The following EFHC2 variants were observed in gnomAD, a reference collection of about 807,000 sequenced individuals.
The protein encoded by EFHC2 is EF-hand domain-containing family member C2.
Under a neutral mutation model 52.7 loss-of-function variants are expected in EFHC2, and 18 were observed. The observed-to-expected ratio is 0.34, with a 90% CI of 0.24 to 0.51. The LOEUF is 0.51. Ranked by LOEUF, EFHC2 falls within the 20% of genes least tolerant of loss-of-function variation. The pLI, the probability that EFHC2 is intolerant of heterozygous loss-of-function variation, is 0.97. For synonymous variants in EFHC2, 203 were observed against 204.1 expected, an observed-to-expected ratio of 0.99 and a Z score of 0.04; for missense variants, 513 against 562.5, an observed-to-expected ratio of 0.91 and a Z score of 0.89.
At chrX:44,227,215 T>C (rs1360052142) in intron 11 of EFHC2, among the ~76,000 whole-genome samples, 1 of 110,729 alleles carries the variant, frequency 9.0e-6, no homozygotes, top group South Asian at 3.9e-4. Context: ...CACATACGCA[T>C]ACATAATGAA....
chrX:44,187,135 G>GTATA lies in EFHC2; in HGVS notation c.1752-8575_1752-8572dup, dbSNP rs746801274. On this transcript the variant is annotated intron_variant, in intron 11 of 14. Coordinates refer to ENST00000420999, the MANE Select transcript of EFHC2 (RefSeq NM_025184.4). The stretch of plus-strand genomic sequence containing the variant: ...CCATGTCTCAAAGGAAAACAAAATG[G>GTATA]TATATATATATATATATGGGCTTTA... Among the ~76,000 whole-genome samples the GTATA allele has an allele frequency of 7.1e-4, 44 of 61,747 alleles. 4 individuals carry two copies. Among genetic ancestry groups the GTATA allele is most frequent in the African/African-American group, 3.1e-3 (38 of 12,159 alleles). 53.6% of individuals were successfully genotyped at this position (61,747 alleles called of 115,157 possible).
chrX:44,163,018 A>C (rs1010545165), intron 14 of EFHC2, among the ~76,000 whole-genome samples: 3 of 112,141 alleles, frequency 2.7e-5, no homozygotes, highest in Admixed American at 1.9e-4. Context: ...AACTGACCCA[A>C]AGTCATTCAG....
chrX:44,158,114 T>C (rs1172118604), intron 14 of EFHC2, among the ~76,000 whole-genome samples: 1 of 111,436 alleles, frequency 9.0e-6, no homozygotes, highest in Non-Finnish European at 1.9e-5. Flanking sequence ...TCTCACCCCA[T>C]GATGGTTAGT....
intron 2 of EFHC2, among the ~76,000 whole-genome samples, chrX:44,300,994 C>T (rs1265230216): frequency 9.2e-6 from 1 of 108,281 alleles, no homozygotes; most frequent in Non-Finnish European, 1.9e-5. Context: ...CCTGTAGTCC[C>T]AGCTACTTGG....
At chrX:44,150,764 A>C (rs970497786) in intron 14 of EFHC2, among the ~76,000 whole-genome samples, 1 of 111,622 alleles carries the variant, frequency 9.0e-6, no homozygotes, top group Non-Finnish European at 1.9e-5. Context: ...TGAAATGGTG[A>C]CAAAAGAAAG....
At chrX:44,159,059 C>G (rs528143410) in intron 14 of EFHC2, among the ~76,000 whole-genome samples, 2 of 112,683 alleles carry the variant, frequency 1.8e-5, no homozygotes, top group Admixed American at 9.4e-5. Flanking sequence ...TGGCCCAACT[C>G]AGGACAACGC....
At chrX:44,298,204 G>A (rs1202449117) in intron 2 of EFHC2, among the ~76,000 whole-genome samples, 1 of 111,330 alleles carries the variant, frequency 9.0e-6, no homozygotes, top group African/African-American at 3.3e-5. Flanking sequence ...TAAAGTAAAG[G>A]GATATCAAAC....
At chrX:44,280,596 A>G (rs961181438) in intron 2 of EFHC2, among the ~76,000 whole-genome samples, 2 of 112,268 alleles carry the variant, frequency 1.8e-5, no homozygotes, top group Non-Finnish European at 3.8e-5. Context: ...CATTATGGGT[A>G]GATAAAATAA....
intron 11 of EFHC2, among the ~76,000 whole-genome samples, chrX:44,202,959 A>G (rs1305337794): frequency 1.8e-5 from 2 of 110,070 alleles, no homozygotes; most frequent in East Asian, 5.7e-4. Flanking sequence ...GTCATCTCTC[A>G]CCCCTCTCCC....
At chrX:44,333,871 T>C (rs2038102553) in intron 1 of EFHC2, among the ~76,000 whole-genome samples, 1 of 111,848 alleles carries the variant, frequency 8.9e-6, no homozygotes. Flanking sequence ...CTCCCTCTCC[T>C]TCCTGCTTGT....
chrX:44,210,040 G>T lies in EFHC2; in HGVS notation c.1751+19609C>A, dbSNP rs755513612. ...TATATATTATAATGTAATAATAATA[G>T]AAATAAACTGTGCAATGAATGTAAT... is the stretch of plus-strand genomic sequence containing the variant. On this transcript the variant is annotated intron_variant, in intron 11 of 14. Coordinates refer to ENST00000420999, the MANE Select transcript of EFHC2 (RefSeq NM_025184.4). Among the ~76,000 whole-genome samples the T allele has an allele frequency of 4.5e-5, 5 of 110,108 alleles. No homozygotes were observed. In the South Asian group the frequency reaches 1.2e-3, roughly 26 times the overall value.
chrX:44,310,356 G>T, intron 2 of EFHC2: 1 of 888,032 alleles, frequency 1.1e-6, no homozygotes, highest in Non-Finnish European at 1.6e-6. Context: ...GCCAGAACCC[G>T]GGTCCCGCTC....
At chrX:44,172,653 C>A (rs2036755062) in intron 13 of EFHC2, among the ~76,000 whole-genome samples, 1 of 112,259 alleles carries the variant, frequency 8.9e-6, no homozygotes, top group South Asian at 3.7e-4. Flanking sequence ...AGTTCTACTT[C>A]CATTAGAGGC....
chrX:44,299,213 A>G (rs1473785527), intron 2 of EFHC2, among the ~76,000 whole-genome samples: 1 of 111,680 alleles, frequency 9.0e-6, no homozygotes, highest in African/African-American at 3.3e-5. Context: ...TAGGCCAAGG[A>G]CATTCCCAAG....
chrX:44,158,287 A>C (rs2036624206), intron 14 of EFHC2, among the ~76,000 whole-genome samples: 1 of 111,873 alleles, frequency 8.9e-6, no homozygotes, highest in Non-Finnish European at 1.9e-5. Context: ...CCAGTGCAGA[A>C]ATGAGATCCT....
At chrX:44,271,858 G>C (rs993486977) in intron 3 of EFHC2, among the ~76,000 whole-genome samples, 15 of 111,882 alleles carry the variant, frequency 1.3e-4, no homozygotes, top group African/African-American at 3.9e-4. Context: ...TTCTCCACAT[G>C]ACAGCCCTTT....
intron 2 of EFHC2, among the ~76,000 whole-genome samples, chrX:44,294,421 C>T (rs998069934): frequency 5.4e-5 from 6 of 110,550 alleles, no homozygotes; most frequent in Non-Finnish European, 1.1e-4. Context: ...ATATGATGCC[C>T]TTTATGTTCT....
chrX:44,174,517 C>T (rs1352215481), intron 13 of EFHC2, among the ~76,000 whole-genome samples: 1 of 109,836 alleles, frequency 9.1e-6, no homozygotes, highest in African/African-American at 3.3e-5. Context: ...ATCAGCCAAA[C>T]GAATGCAACA....
At chrX:44,180,755 A>C (rs1448287755) in intron 11 of EFHC2, among the ~76,000 whole-genome samples, 1 of 104,261 alleles carries the variant, frequency 9.6e-6, no homozygotes, top group Non-Finnish European at 2.0e-5. Flanking sequence ...TAAATAAATA[A>C]ATAAAAATAA....
Sources: allele counts gnomAD v4.1 joint callset (sites outside exome capture counted in the v4.1 genomes callset), GRCh38; gene constraint gnomAD v4.1.1; transcripts MANE v1.5; gene names NCBI Gene and HGNC (gene_info 2026-07-23, HGNC 2026-07-21).